EDA: variants seen among roughly 807,000 people sequenced by gnomAD.
EDA encodes the protein ectodysplasin-A.
In EDA, 2 loss-of-function variants were observed where a neutral mutation model predicts 23.6. That is an observed-to-expected ratio of 0.08 (90% CI 0.03 to 0.27). EDA has a LOEUF of 0.27. EDA is among the 10% of genes least tolerant of loss of function. The pLI is 1.00. For synonymous variants in EDA, 131 were observed against 132.0 expected (o/e 0.99, Z 0.05); for missense variants, 229 against 324.2 (o/e 0.71, Z 2.26).
chrX:69,839,077 T>C (rs778321189), intron 1 of EDA, among the ~76,000 whole-genome samples: 13 of 112,384 alleles, frequency 1.2e-4, no homozygotes, highest in Non-Finnish European at 2.4e-4. Context: ...GCCTATATTT[T>C]AGGTCAGACC....
chrX:70,032,545 GGT>G (rs1164784768), intron 6 of EDA, among the ~76,000 whole-genome samples: 1 of 111,595 alleles, frequency 9.0e-6, no homozygotes, highest in African/African-American at 3.3e-5. Flanking sequence ...CTCCTCTCAT[GGT>G]GGGAAGGAAC....
At chrX:69,711,239 CA>C (rs2012012947) in intron 1 of EDA, among the ~76,000 whole-genome samples, 1 of 111,132 alleles carries the variant, frequency 9.0e-6, no homozygotes. Context: ...TTTCTGCATC[CA>C]TTGAGATAAT....
intron 1 of EDA, among the ~76,000 whole-genome samples, chrX:69,782,875 G>A (rs1335346275): frequency 8.9e-6 from 1 of 111,747 alleles, no homozygotes; most frequent in Non-Finnish European, 1.9e-5. Context: ...AGAGGTTTGG[G>A]TAACTAACAT....
At chrX:69,912,599 T>C (rs1400483377) in intron 1 of EDA, among the ~76,000 whole-genome samples, 1 of 111,248 alleles carries the variant, frequency 9.0e-6, no homozygotes, top group Non-Finnish European at 1.9e-5. Flanking sequence ...ATATTGTCCA[T>C]GAGCAGTAGT....
At chrX:69,785,641 G>A in intron 1 of EDA, among the ~76,000 whole-genome samples, 1 of 110,041 alleles carries the variant, frequency 9.1e-6, no homozygotes, top group Non-Finnish European at 1.9e-5. Flanking sequence ...CAGGGTTGAA[G>A]CCCACTTGAT....
intron 1 of EDA, among the ~76,000 whole-genome samples, chrX:69,721,077 A>G (rs759291272): frequency 4.5e-5 from 5 of 111,759 alleles, no homozygotes; most frequent in East Asian, 2.8e-4. Context: ...TTTAATTTTC[A>G]TAGCTTTTGT....
At chrX:69,656,281 T>C (rs1205991744) in intron 1 of EDA, among the ~76,000 whole-genome samples, 1 of 111,486 alleles carries the variant, frequency 9.0e-6, no homozygotes, top group Non-Finnish European at 1.9e-5. Flanking sequence ...TACTTTTCTA[T>C]TACTACTGCC....
chrX:69,898,261 A>G (rs969478324), intron 1 of EDA, among the ~76,000 whole-genome samples: 2 of 111,610 alleles, frequency 1.8e-5, no homozygotes, highest in African/African-American at 6.5e-5. Context: ...ATGCTTTAAG[A>G]TTTTAATTTC....
At chrX:69,698,222 C>T (rs939408214) in intron 1 of EDA, among the ~76,000 whole-genome samples, 24 of 111,467 alleles carry the variant, frequency 2.2e-4, no homozygotes, top group Non-Finnish European at 3.2e-4. Flanking sequence ...ACAGGGACTC[C>T]GAGGGTGTTG....
At chrX:69,778,045 A>G (rs1433005802) in intron 1 of EDA, among the ~76,000 whole-genome samples, 4 of 111,473 alleles carry the variant, frequency 3.6e-5, no homozygotes, top group African/African-American at 1.3e-4. Context: ...CTAAATTCTC[A>G]TTCATGTCAA....
At position 70,037,931 on chromosome X, in the gene EDA, AG is replaced by A. The variant is rs750618943; in HGVS notation, c.*2324del. On this transcript the variant is annotated 3_prime_UTR_variant, in exon 8 of 8. Coordinates refer to ENST00000374552, the MANE Select transcript of EDA (RefSeq NM_001399.5). Reference sequence around the variant, plus strand: ...GCCTTTATGTTCTTTCACCCATCCTAGGAACCAGCCAACCATCATGTGTAGA... The same window carrying A: ...GCCTTTATGTTCTTTCACCCATCCTAGAACCAGCCAACCATCATGTGTAGA... 9.0e-6 allele frequency: 1 copy of A among 111,472 alleles called. No homozygotes were observed. The highest frequency in any genetic ancestry group is 1.9e-5 in the Non-Finnish European group (1 of 53,131). 9.2% of individuals were successfully genotyped at this position (111,472 alleles called of 1,213,427 possible). A position where few individuals can be genotyped will look rare whatever the true frequency, so the allele number is the denominator to read the frequency against.
chrX:69,739,214 G>C lies in EDA; in HGVS notation c.396+122510G>C, dbSNP rs192538339. ...AATTGTTATGTCTTCCTAATGGGTT[G>C]ATCATTATATCACTACATAATATCC... is the stretch of plus-strand genomic sequence containing the variant. On this transcript the variant is annotated intron_variant, in intron 1 of 7. Transcript: ENST00000374552. 5.4e-5 allele frequency among the ~76,000 whole-genome samples: 6 copies of C among 111,041 alleles called. No homozygotes were observed. The South Asian group carries it at 1.5e-3, about 28-fold the overall frequency.
intron 1 of EDA, among the ~76,000 whole-genome samples, chrX:69,784,845 T>C (rs1260791393): frequency 9.1e-6 from 1 of 110,198 alleles, no homozygotes; most frequent in Non-Finnish European, 1.9e-5. Flanking sequence ...ATTGGTAGCT[T>C]GATGGGGATG....
intron 1 of EDA, among the ~76,000 whole-genome samples, chrX:69,672,018 T>C (rs996516415): frequency 8.9e-6 from 1 of 112,196 alleles, no homozygotes; most frequent in East Asian, 2.8e-4. Context: ...CCGTAAATCC[T>C]AATACATTGA....
At chrX:69,787,724 A>AT (rs1331480139) in intron 1 of EDA, among the ~76,000 whole-genome samples, 1 of 110,138 alleles carries the variant, frequency 9.1e-6, no homozygotes, top group East Asian at 2.9e-4. Flanking sequence ...TGCCCTTAAC[A>AT]TTTTTTCCTT....
At chrX:69,802,046 T>C (rs1010686564) in intron 1 of EDA, among the ~76,000 whole-genome samples, 6 of 111,495 alleles carry the variant, frequency 5.4e-5, no homozygotes, top group Admixed American at 9.6e-5. Context: ...TCAGGAGATA[T>C]GCACATGAAT....
chrX:69,968,589 C>T (rs1310691897), intron 2 of EDA, among the ~76,000 whole-genome samples: 1 of 111,839 alleles, frequency 8.9e-6, no homozygotes, highest in Non-Finnish European at 1.9e-5. Flanking sequence ...TTAGCATCTT[C>T]CCTACCTCAC....
intron 1 of EDA, among the ~76,000 whole-genome samples, chrX:69,818,599 A>G (rs984682886): frequency 8.9e-6 from 1 of 111,921 alleles, no homozygotes; most frequent in African/African-American, 3.2e-5. Flanking sequence ...CTCTATGCAC[A>G]TAAACTAGAA....
intron 1 of EDA, among the ~76,000 whole-genome samples, chrX:69,659,947 G>A (rs775566508): frequency 3.6e-5 from 4 of 111,462 alleles, no homozygotes; most frequent in African/African-American, 1.3e-4. Context: ...GCACAGCCAA[G>A]TTTAGAATCC....
Sources: allele counts gnomAD v4.1 joint callset (sites outside exome capture counted in the v4.1 genomes callset), GRCh38; gene constraint gnomAD v4.1.1; transcripts MANE v1.5; gene names NCBI Gene and HGNC (gene_info 2026-07-23, HGNC 2026-07-21).